CDC42BPB: variants seen among roughly 807,000 people sequenced by gnomAD.
CDC42BPB encodes the protein CDC42 binding protein kinase beta, also known as serine/threonine-protein kinase MRCK beta.
Under a neutral mutation model 214.9 loss-of-function variants are expected in CDC42BPB, and 37 were observed. The ratio of observed to expected loss-of-function variants is 0.17; its 90% CI spans 0.13 to 0.23. CDC42BPB has a LOEUF of 0.23. Ranked by LOEUF, CDC42BPB falls within the 10% of genes least tolerant of loss-of-function variation. CDC42BPB has a pLI of 1.00. For synonymous variants in CDC42BPB, 931 were observed against 884.0 expected (o/e 1.05, Z -0.94); for missense variants, 1,694 against 2,227.0 (o/e 0.76, Z 4.82).
chr14:103,012,266 G>A, intron 1 of CDC42BPB, 78 bp from the exon 2 acceptor site: 1 of 1,485,712 alleles, frequency 6.7e-7, no homozygotes, highest in Non-Finnish European at 9.1e-7. Flanking sequence ...GTGGGGTGTT[G>A]CACTAAGTTA....
intron 3 of CDC42BPB, among the ~76,000 whole-genome samples, chr14:103,007,901 C>T (rs758630139): frequency 2.0e-5 from 3 of 152,140 alleles, no homozygotes; most frequent in Non-Finnish European, 4.4e-5. Context: ...AGAGGAAAAG[C>T]GTGGGCTCCC....
chr14:103,032,276 C>T (rs1887424075), intron 1 of CDC42BPB, among the ~76,000 whole-genome samples: 1 of 152,144 alleles, frequency 6.6e-6, no homozygotes, highest in Non-Finnish European at 1.5e-5. Flanking sequence ...CGCGTGGGTG[C>T]ACACTTGGGC....
rs946350079 is a variant in CDC42BPB at position 102,943,330 on chromosome 14, TCCTA to T, written c.4408+557_4408+560del. On this transcript the variant is annotated intron_variant, in intron 30 of 36. Coordinates refer to ENST00000361246, the MANE Select transcript of CDC42BPB (RefSeq NM_006035.4). This position sits in a 1 kb window ranked among gnomAD's most constrained non-coding sequence, Gnocchi z 4.6. ...GGGCCAGTCGGGAAGTGTCCACTGG[TCCTA>T]CCTGTTCCCCAGTGCCACCATTCAT... is the stretch of plus-strand genomic sequence containing the variant. Among the ~76,000 whole-genome samples, 7 of 152,204 alleles carry T rather than the reference TCCTA, an allele frequency of 4.6e-5. No homozygotes were observed. The highest frequency in any genetic ancestry group is 1.7e-4 in the African/African-American group (7 of 41,450).
Position 102,976,025 on chromosome 14 carries a change from C to A in CDC42BPB, c.1245G>T (p.Leu415=). ...TESCFSDRGS[L]KSIMQSNTLT... Reference sequence around the variant, plus strand: ...ATGTGTTGGACTGCATTATGCTCTTCAGAGAGCCTCGATCAGAAAAACAGC... The same window carrying A: ...ATGTGTTGGACTGCATTATGCTCTTAAGAGAGCCTCGATCAGAAAAACAGC... Residue 415 remains leucine (L), a synonymous_variant, in exon 10 of 37, where the codon CTG becomes CTT. Transcript: ENST00000361246. 6.2e-7 allele frequency: 1 copy of A among 1,613,410 alleles called. No homozygotes were observed. Among genetic ancestry groups the A allele is most frequent in the Non-Finnish European group, 8.5e-7 (1 of 1,179,348 alleles).
At chr14:102,940,421 G>T (rs1891840143) in intron 30 of CDC42BPB, 97 bp from the exon 31 acceptor site, 1 of 1,534,326 alleles carries the variant, frequency 6.5e-7, no homozygotes, top group African/African-American at 1.4e-5. Flanking sequence ...AACAAGTGCA[G>T]AGGCGGCAGC....
At chr14:102,941,798 A>G (rs921472294) in intron 30 of CDC42BPB, among the ~76,000 whole-genome samples, 9 of 152,362 alleles carry the variant, frequency 5.9e-5, no homozygotes, top group African/African-American at 1.7e-4. Flanking sequence ...AACAGGGCTG[A>G]TAACACCTGC....
intron 21 of CDC42BPB, among the ~76,000 whole-genome samples, chr14:102,958,829 C>T (rs764090604): frequency 6.6e-6 from 1 of 151,820 alleles, no homozygotes; most frequent in African/African-American, 2.4e-5. Context: ...TATTTTTATT[C>T]GCTCTAGTGT....
Position 102,971,048 on chromosome 14 carries a change from G to A in CDC42BPB, c.1885-787C>T, listed in dbSNP as rs1182868241. ...GGCGGCACAGGGCTGCAAACCCTGGGGTCCTGAGACATCAGGGGTGTGCAA... is the reference window on the plus strand; with the variant it reads ...GGCGGCACAGGGCTGCAAACCCTGGAGTCCTGAGACATCAGGGGTGTGCAA... On this transcript the variant is annotated intron_variant, in intron 13 of 36. Coordinates refer to ENST00000361246, the MANE Select transcript of CDC42BPB (RefSeq NM_006035.4). Among the ~76,000 whole-genome samples the A allele has an allele frequency of 2.0e-5, 3 of 152,110 alleles. No homozygotes were observed. The South Asian group carries it at 6.2e-4, about 32-fold the overall frequency.
At chr14:102,969,982 C>G (rs536940616) in intron 14 of CDC42BPB, among the ~76,000 whole-genome samples, 169 bp downstream of exon 14, 1 of 152,194 alleles carries the variant, frequency 6.6e-6, no homozygotes, top group South Asian at 2.1e-4. Context: ...AAAGCAGTCA[C>G]GAAGGCAGGG....
chr14:102,941,685 A>C, intron 30 of CDC42BPB: 1 of 368,534 alleles, frequency 2.7e-6, no homozygotes, highest in Non-Finnish European at 3.8e-6. Flanking sequence ...ATTCTAGTGA[A>C]ACAGATTCTA....
At position 102,964,613 on chromosome 14, in the gene CDC42BPB, T is replaced by C. The variant is rs1297582154; in HGVS notation, c.2615A>G (p.Asp872Gly). ...LWKVRRSQKL[D>G]MSARLELQSA... is the part of the protein sequence containing the mutation. ...CTGCAGCTCCAGCCGCGCGGACATG[T>C]CCAGCTTCTGGCTGCGGCGCACCTT... The change falls in exon 19 of 37, where the codon GAC becomes GGC. Residue 872 changes from aspartate (D) to glycine (G), a missense_variant. By Grantham distance (94) the Asp-to-Gly change is moderately conservative. Transcript: ENST00000361246. The C allele has an allele frequency of 6.2e-7, 1 of 1,613,840 alleles. No individual in the cohort carries two copies. The highest frequency in any genetic ancestry group is 2.2e-5 in the East Asian group (1 of 44,876).
chr14:102,949,672 A>C, intron 26 of CDC42BPB, 93 bp downstream of exon 26: 1 of 1,492,246 alleles, frequency 6.7e-7, no homozygotes, highest in Non-Finnish European at 9.2e-7. Context: ...AGTACTAATG[A>C]GGTGAAAGAC....
intron 1 of CDC42BPB, among the ~76,000 whole-genome samples, chr14:103,031,273 T>C (rs1887358295): frequency 6.6e-6 from 1 of 152,056 alleles, no homozygotes; most frequent in African/African-American, 2.4e-5. Flanking sequence ...GGAAGGATGT[T>C]TTCACAGAAG....
chr14:102,987,788 AACACACACACACACACACAC>A (rs57579935), intron 5 of CDC42BPB, among the ~76,000 whole-genome samples: 1 of 140,848 alleles, frequency 7.1e-6, no homozygotes, highest in East Asian at 2.1e-4. Flanking sequence ...CAAACACACA[AACACACACACACACACACAC>A]ACACACACAC....
chr14:103,049,072 A>G (rs1888460675), intron 1 of CDC42BPB, among the ~76,000 whole-genome samples: 1 of 152,222 alleles, frequency 6.6e-6, no homozygotes, highest in South Asian at 2.1e-4. Context: ...TGGAACACAG[A>G]AAAAGAGCAA....
chr14:102,963,227 G>T, intron 19 of CDC42BPB, 72 bp from the exon 20 acceptor site: 1 of 1,528,226 alleles, frequency 6.5e-7, no homozygotes, highest in Non-Finnish European at 8.7e-7. Flanking sequence ...GGGCAGGTCA[G>T]GATGAGAGAG....
At chr14:102,964,431 T>C in intron 19 of CDC42BPB, 71 bp downstream of exon 19, 4 of 1,548,984 alleles carry the variant, frequency 2.6e-6, no homozygotes, top group Non-Finnish European at 3.5e-6. Flanking sequence ...TCGGAGCCCG[T>C]GAGGCTCAGG....
At chr14:102,965,280 C>T (rs1478540703) in intron 18 of CDC42BPB, among the ~76,000 whole-genome samples, 5 of 150,912 alleles carry the variant, frequency 3.3e-5, no homozygotes, top group South Asian at 2.1e-4. Flanking sequence ...GACCCTTTTA[C>T]AAACCTAAGG....
At chr14:102,942,682 C>A (rs1388030924) in intron 30 of CDC42BPB, among the ~76,000 whole-genome samples, 1 of 152,238 alleles carries the variant, frequency 6.6e-6, no homozygotes, top group East Asian at 1.9e-4. Flanking sequence ...GTAGCTGGGA[C>A]TACAGGCATG....
Sources: allele counts gnomAD v4.1 joint callset (sites outside exome capture counted in the v4.1 genomes callset), GRCh38; gene constraint gnomAD v4.1.1; non-coding constraint Gnocchi (gnomAD v3.1); transcripts MANE v1.5; gene names NCBI Gene and HGNC (gene_info 2026-07-23, HGNC 2026-07-21).